PCDH11Y: variants seen among roughly 807,000 people sequenced by gnomAD.
The protein encoded by PCDH11Y is protocadherin-11 Y-linked.
For missense variants in PCDH11Y, 12 were observed against 224.8 expected (o/e 0.05, Z 6.05); for synonymous variants, 9 against 83.6 (o/e 0.11, Z 4.87).
At chrY:5,459,008 A>G (rs113836412) in intron 2 of PCDH11Y, among the ~76,000 whole-genome samples, 1 of 31,081 alleles carries the variant, frequency 3.2e-5, no homozygotes, top group Non-Finnish European at 8.0e-5. Context: ...AAGAGTATTC[A>G]GGAATGTAAC....
intron 2 of PCDH11Y, among the ~76,000 whole-genome samples, chrY:5,337,015 G>T (rs376233001): frequency 3.0e-5 from 1 of 32,998 alleles, no homozygotes; most frequent in South Asian, 6.8e-4. Flanking sequence ...ACTGTCATTT[G>T]TGTGGACAAT....
intron 4 of PCDH11Y, among the ~76,000 whole-genome samples, chrY:5,603,146 C>A (rs2053474358): frequency 3.2e-5 from 1 of 30,779 alleles, no homozygotes. Flanking sequence ...AGCAATATAA[C>A]CCTTCTTCTT....
chrY:5,233,435 A>T, intron 2 of PCDH11Y, among the ~76,000 whole-genome samples: 1 of 33,431 alleles, frequency 3.0e-5, no homozygotes, highest in Non-Finnish European at 7.4e-5. Context: ...TTTAGATATC[A>T]GGTGAACTTG....
At chrY:5,243,371 C>G in intron 2 of PCDH11Y, among the ~76,000 whole-genome samples, 2 of 32,415 alleles carry the variant, frequency 6.2e-5, no homozygotes, top group Admixed American at 2.7e-4. Context: ...TGCCTGTGTT[C>G]TAGGCACACT....
At chrY:5,446,599 A>G in intron 2 of PCDH11Y, among the ~76,000 whole-genome samples, 1 of 33,444 alleles carries the variant, frequency 3.0e-5, no homozygotes, top group African/African-American at 1.2e-4. Flanking sequence ...GGTGAAGACC[A>G]TAAGATGTGA....
chrY:5,511,541 C>T, intron 3 of PCDH11Y, among the ~76,000 whole-genome samples: 1 of 32,204 alleles, frequency 3.1e-5, no homozygotes, highest in Admixed American at 2.8e-4. Context: ...TGAACTGTGG[C>T]TAAGTAAAAA....
At chrY:5,136,864 GA>G (rs2052841307) in intron 2 of PCDH11Y, among the ~76,000 whole-genome samples, 1 of 33,509 alleles carries the variant, frequency 3.0e-5, no homozygotes, top group Non-Finnish European at 7.4e-5. Context: ...TGGTGTTCCT[GA>G]GAAAGAAGAG....
chrY:5,665,546 T>C, intron 4 of PCDH11Y, among the ~76,000 whole-genome samples: 1 of 33,475 alleles, frequency 3.0e-5, no homozygotes, highest in African/African-American at 1.2e-4. Context: ...AACTCTATAC[T>C]ATCAGAGAAG....
At chrY:5,440,966 G>A in intron 2 of PCDH11Y, among the ~76,000 whole-genome samples, 1 of 32,075 alleles carries the variant, frequency 3.1e-5, no homozygotes, top group African/African-American at 1.2e-4. Flanking sequence ...AATATTTGAA[G>A]AGTTAGAATC....
chrY:5,635,979 C>A (rs2124704332), intron 4 of PCDH11Y, among the ~76,000 whole-genome samples: 1 of 34,050 alleles, frequency 2.9e-5, no homozygotes, highest in South Asian at 6.3e-4. Flanking sequence ...CAACCTCAAC[C>A]ACAAACACAA....
At chrY:5,244,506 G>A (rs1602892634) in intron 2 of PCDH11Y, among the ~76,000 whole-genome samples, 220 of 33,495 alleles carry the variant, frequency 6.6e-3, no homozygotes, top group Admixed American at 0.016. Flanking sequence ...TGGTTTGACG[G>A]CCCACCCAAG....
intron 2 of PCDH11Y, among the ~76,000 whole-genome samples, chrY:5,192,326 A>T (rs2052913370): frequency 3.1e-5 from 1 of 32,057 alleles, no homozygotes; most frequent in Non-Finnish European, 7.6e-5. Flanking sequence ...CTTCCCAGAG[A>T]GCTGACAAAG....
intron 4 of PCDH11Y, among the ~76,000 whole-genome samples, chrY:5,597,754 A>G (rs2053468978): frequency 3.1e-5 from 1 of 31,999 alleles, no homozygotes; most frequent in Non-Finnish European, 7.6e-5. Context: ...GTTCTCACTC[A>G]TAAGTGGCAG....
chrY:5,680,094 G>T (rs2053557082), intron 4 of PCDH11Y, among the ~76,000 whole-genome samples: 1 of 31,427 alleles, frequency 3.2e-5, no homozygotes, highest in Non-Finnish European at 7.7e-5. Flanking sequence ...TGCTGTGCTG[G>T]CTTCAGATCT....
intron 2 of PCDH11Y, among the ~76,000 whole-genome samples, chrY:5,465,320 C>T: frequency 3.1e-5 from 1 of 31,823 alleles, no homozygotes; most frequent in African/African-American, 1.2e-4. Context: ...ATAAACTATT[C>T]CATCAACTTA....
At chrY:5,179,308 A>G in intron 2 of PCDH11Y, among the ~76,000 whole-genome samples, 2 of 32,935 alleles carry the variant, frequency 6.1e-5, no homozygotes, top group African/African-American at 1.2e-4. Flanking sequence ...TGAATTTTTA[A>G]TAATAGCCAT....
intron 1 of PCDH11Y, among the ~76,000 whole-genome samples, chrY:5,068,542 CTG>C (rs3067360): frequency 0.01 from 227 of 21,652 alleles, no homozygotes; most frequent in African/African-American, 0.021. Context: ...TTTGTGTCCT[CTG>C]TGTGTGTGTG....
intron 4 of PCDH11Y, among the ~76,000 whole-genome samples, chrY:5,708,102 A>C: frequency 3.0e-5 from 1 of 32,996 alleles, no homozygotes; most frequent in South Asian, 6.7e-4. Flanking sequence ...AAAACAACCA[A>C]CAACAACAAC....
intron 2 of PCDH11Y, among the ~76,000 whole-genome samples, chrY:5,162,473 T>A: frequency 3.0e-5 from 1 of 33,082 alleles, no homozygotes; most frequent in Admixed American, 2.8e-4. Flanking sequence ...ATGAATGACA[T>A]AGAAGCAAAG....
Sources: gnomAD v4.1 joint callset for allele counts (sites outside exome capture counted in the v4.1 genomes callset) on GRCh38, gnomAD v4.1.1 for gene constraint, MANE v1.5 for transcripts, NCBI Gene and HGNC (gene_info 2026-07-23, HGNC 2026-07-21) for gene names.